B4GALT6: variants seen among roughly 807,000 people sequenced by gnomAD.
B4GALT6 encodes beta-1,4-galactosyltransferase 6.
A neutral mutation model predicts 46.3 loss-of-function variants in B4GALT6; 14 were observed. The ratio of observed to expected loss-of-function variants is 0.30; its 90% CI spans 0.20 to 0.47. The LOEUF is 0.47. B4GALT6 is among the 20% of genes least tolerant of loss of function. The pLI, the probability that B4GALT6 is intolerant of heterozygous loss-of-function variation, is 0.99. For synonymous variants in B4GALT6, 168 were observed against 162.0 expected (o/e 1.04, Z -0.28); for missense variants, 386 against 480.1 (o/e 0.80, Z 1.83).
chr18:31,641,171 G>A (rs1243068432), intron 4 of B4GALT6, among the ~76,000 whole-genome samples: 2 of 152,222 alleles, frequency 1.3e-5, no homozygotes, highest in Admixed American at 1.3e-4. Flanking sequence ...AAGACAATTA[G>A]ACTGAGTGAT....
At chr18:31,644,246 G>C (rs772319191) in intron 4 of B4GALT6, among the ~76,000 whole-genome samples, 2 of 152,134 alleles carry the variant, frequency 1.3e-5, no homozygotes, top group Non-Finnish European at 2.9e-5. Flanking sequence ...GGCCAAAAAG[G>C]CTTTTATTTG....
chr18:31,697,183 G>C, the B4GALT6 span, among the ~76,000 whole-genome samples: 4 of 152,186 alleles, frequency 2.6e-5, no homozygotes, highest in East Asian at 7.7e-4. Context: ...GAGGTGGGAG[G>C]ATCACCTGAG....
At chr18:31,638,511 A>C in intron 5 of B4GALT6, 133 bp downstream of exon 5, 1 of 771,234 alleles carries the variant, frequency 1.3e-6, no homozygotes, top group Non-Finnish European at 2.1e-6. Context: ...TGGGCAACAC[A>C]GCAAGACTCT....
chr18:31,642,747 C>T (rs1219772839), intron 4 of B4GALT6, among the ~76,000 whole-genome samples: 1 of 152,170 alleles, frequency 6.6e-6, no homozygotes, highest in Non-Finnish European at 1.5e-5. Flanking sequence ...GCAGTGGGCG[C>T]GATCTTGGCT....
At chr18:31,636,116 A>T (rs991692185) in intron 5 of B4GALT6, among the ~76,000 whole-genome samples, 1 of 152,270 alleles carries the variant, frequency 6.6e-6, no homozygotes, top group African/African-American at 2.4e-5. Flanking sequence ...CAACTAAACG[A>T]AACTTCACTC....
At chr18:31,683,748 A>T (rs2074508295) in intron 1 of B4GALT6, among the ~76,000 whole-genome samples, 1 of 151,982 alleles carries the variant, frequency 6.6e-6, no homozygotes, top group East Asian at 1.9e-4. Flanking sequence ...GACTAAAATA[A>T]TGGAGCATTG....
At position 31,627,297 on chromosome 18, in the gene B4GALT6, C is replaced by A. The variant is rs574716093; in HGVS notation, c.777-176G>T. 3.3e-5 allele frequency among the ~76,000 whole-genome samples: 5 copies of A among 151,898 alleles called. No homozygotes were observed. The South Asian group carries it at 1.0e-3, about 32-fold the overall frequency. On this transcript the variant is annotated intron_variant, in intron 6 of 8. Coordinates refer to ENST00000306851, the MANE Select transcript of B4GALT6 (RefSeq NM_004775.5). ...AAAACATTTTTATATTCTAGTGAAACAAGTACATGTACATGTGTTATGTTA... is the reference window on the plus strand; with the variant it reads ...AAAACATTTTTATATTCTAGTGAAAAAAGTACATGTACATGTGTTATGTTA...
chr18:31,711,017 T>C, the B4GALT6 span, among the ~76,000 whole-genome samples: 8 of 152,304 alleles, frequency 5.3e-5, no homozygotes, highest in Non-Finnish European at 8.8e-5. Context: ...TAGAAGACCT[T>C]CTGTAATGCA....
intron 5 of B4GALT6, among the ~76,000 whole-genome samples, chr18:31,634,651 A>T (rs1345328976): frequency 3.9e-5 from 6 of 152,232 alleles, no homozygotes; most frequent in Non-Finnish European, 5.9e-5. Context: ...GGAAAGAAGC[A>T]GTGAACCCAT....
At chr18:31,647,841 C>A (rs2074010412) in intron 3 of B4GALT6, among the ~76,000 whole-genome samples, 1 of 152,162 alleles carries the variant, frequency 6.6e-6, no homozygotes, top group South Asian at 2.1e-4. Context: ...GGTTTCCAAA[C>A]CGTCCTTGGG....
chr18:31,678,482 C>T (rs1243510866), intron 1 of B4GALT6, among the ~76,000 whole-genome samples: 1 of 152,222 alleles, frequency 6.6e-6, no homozygotes, highest in African/African-American at 2.4e-5. Flanking sequence ...CCAAAATCTT[C>T]CATTGTCCAG....
At chr18:31,655,952 G>A (rs1397610040) in intron 3 of B4GALT6, among the ~76,000 whole-genome samples, 1 of 151,982 alleles carries the variant, frequency 6.6e-6, no homozygotes, top group Non-Finnish European at 1.5e-5. Flanking sequence ...AGATCAGTGG[G>A]TCTCAATACG....
At chr18:31,640,344 G>C (rs9950131) in intron 4 of B4GALT6, among the ~76,000 whole-genome samples, 1 of 151,948 alleles carries the variant, frequency 6.6e-6, no homozygotes, top group African/African-American at 2.4e-5. Flanking sequence ...ATCATCAAAC[G>C]AAAATAATAT....
At chr18:31,669,853 T>C (rs1049581235) in intron 1 of B4GALT6, among the ~76,000 whole-genome samples, 43 of 152,130 alleles carry the variant, frequency 2.8e-4, no homozygotes, top group Non-Finnish European at 5.1e-4. Flanking sequence ...ACATCTTATA[T>C]TTGTGCTACA....
intron 1 of B4GALT6, among the ~76,000 whole-genome samples, chr18:31,668,847 C>A (rs367845892): frequency 6.5e-4 from 87 of 133,622 alleles, no homozygotes; most frequent in Middle Eastern, 3.7e-3. Context: ...TAAAAAAATA[C>A]AAAAAAAAAA....
At chr18:31,626,856 A>C in intron 7 of B4GALT6, 143 bp downstream of exon 7, 1 of 659,602 alleles carries the variant, frequency 1.5e-6, no homozygotes, top group Non-Finnish European at 2.3e-6. Context: ...TGAAAAAAAA[A>C]GAGAAATATA....
intron 1 of B4GALT6, among the ~76,000 whole-genome samples, chr18:31,675,363 C>T (rs1321104244): frequency 6.6e-6 from 1 of 152,188 alleles, no homozygotes; most frequent in African/African-American, 2.4e-5. Context: ...AAGGGGCCAT[C>T]TGGCTTCCTC....
At chr18:31,709,018 T>G in the B4GALT6 span, among the ~76,000 whole-genome samples, 38 of 152,174 alleles carry the variant, frequency 2.5e-4, no homozygotes, top group African/African-American at 8.7e-4. Flanking sequence ...AGCACTAGAC[T>G]TTAGTGCTGT....
chr18:31,658,963 A>G (rs1446569509), intron 2 of B4GALT6, among the ~76,000 whole-genome samples: 1 of 152,190 alleles, frequency 6.6e-6, no homozygotes, highest in Non-Finnish European at 1.5e-5. Context: ...GAGAGATCAC[A>G]TTTCAGTCCC....
Sources: gnomAD v4.1 joint callset for allele counts (sites outside exome capture counted in the v4.1 genomes callset) on GRCh38, gnomAD v4.1.1 for gene constraint, MANE v1.5 for transcripts, NCBI Gene and HGNC (gene_info 2026-07-23, HGNC 2026-07-21) for gene names.